CLIC6: variants seen among roughly 807,000 people sequenced by gnomAD.
The protein encoded by CLIC6 is CLIC family member 6.
CLIC6 carries 39 observed loss-of-function variants against 49.2 expected under a neutral mutation model. The ratio of observed to expected loss-of-function variants is 0.79; its 90% CI spans 0.61 to 1.04. The LOEUF (loss-of-function observed/expected upper bound fraction) is 1.04. Among genes scored for constraint, CLIC6 ranks in the 50% least tolerant of loss-of-function variants. The probability of loss-of-function intolerance (pLI) is 0.00; values close to 1 mark genes in which losing one functional copy is unlikely to be tolerated. For missense variants in CLIC6, 988 were observed against 993.1 expected, an observed-to-expected ratio of 0.99 and a Z score of 0.07; for synonymous variants, 446 against 433.4, an observed-to-expected ratio of 1.03 and a Z score of -0.36.
intron 1 of CLIC6, 85 bp from the exon 2 acceptor site, chr21:34,707,195 C>T: frequency 9.7e-7 from 1 of 1,026,130 alleles, no homozygotes; most frequent in South Asian, 1.3e-5. Flanking sequence ...TATCAACCTG[C>T]AATGATTTTG....
chr21:34,690,889 G>A (rs1297276592), intron 1 of CLIC6, among the ~76,000 whole-genome samples: 1 of 150,012 alleles, frequency 6.7e-6, no homozygotes, highest in African/African-American at 2.4e-5. Context: ...AAAGCATGTG[G>A]CACAGAAAAG....
chr21:34,694,718 C>T (rs1028247125), intron 1 of CLIC6, among the ~76,000 whole-genome samples: 46 of 152,090 alleles, frequency 3.0e-4, no homozygotes, highest in Admixed American at 2.3e-3. Flanking sequence ...TATAAATTAC[C>T]CCATCTCAGG....
intron 1 of CLIC6, among the ~76,000 whole-genome samples, chr21:34,698,598 G>A (rs2145811880): frequency 1.3e-5 from 2 of 152,308 alleles, no homozygotes; most frequent in South Asian, 4.1e-4. Context: ...CCTAAGTGTT[G>A]TGTCAGGCAT....
chr21:34,670,884 C>T, intron 1 of CLIC6, 122 bp downstream of exon 1: 2 of 1,131,508 alleles, frequency 1.8e-6, no homozygotes, highest in South Asian at 3.4e-5. Context: ...TCATCAGGCG[C>T]TTCCATGCGC....
intron 1 of CLIC6, among the ~76,000 whole-genome samples, chr21:34,692,766 A>T (rs1326668389): frequency 6.6e-6 from 1 of 152,198 alleles, no homozygotes; most frequent in East Asian, 1.9e-4. Context: ...AAAACATTAT[A>T]AGGAAAGAGG....
intron 5 of CLIC6, among the ~76,000 whole-genome samples, chr21:34,714,159 A>G (rs557018107): frequency 1.3e-5 from 2 of 152,356 alleles, no homozygotes; most frequent in African/African-American, 4.8e-5. Flanking sequence ...ATCCAGAAAC[A>G]GAGAAGGTGT....
chr21:34,714,483 T>A (rs1321641877), intron 5 of CLIC6, among the ~76,000 whole-genome samples: 1 of 151,542 alleles, frequency 6.6e-6, no homozygotes, highest in African/African-American at 2.4e-5. Context: ...AGGCCAGGAG[T>A]TCGAGATCAG....
intron 1 of CLIC6, among the ~76,000 whole-genome samples, chr21:34,690,825 C>T (rs567362339): frequency 1.4e-5 from 2 of 145,688 alleles, no homozygotes; most frequent in African/African-American, 2.5e-5. Context: ...TTTCTTTTCC[C>T]CAGGGTGAGG....
chr21:34,703,739 G>T (rs1395301521), intron 1 of CLIC6, among the ~76,000 whole-genome samples: 3 of 152,178 alleles, frequency 2.0e-5, no homozygotes, highest in Admixed American at 2.0e-4. Context: ...TTGGTGGGGA[G>T]CCCTGAGACA....
chr21:34,669,865 C>T lies in CLIC6; in HGVS notation c.477C>T (p.Ser159=), dbSNP rs1210243022. ...GCGCGTCCGGGGAGGCGGGGGACAG[C>T]GTAGACGCGGAGGGCCCGCTGGGGG... ...EGSASGEAGD[S]VDAEGPLGDN... is the part of the protein sequence containing the mutation. Residue 159 remains serine (S), a synonymous_variant, in exon 1 of 6, where the codon AGC becomes AGT. Transcript: ENST00000349499. 1 of 1,400,544 alleles carries T rather than the reference C, an allele frequency of 7.1e-7. No individual in the cohort carries two copies. The highest frequency in any genetic ancestry group is 9.2e-7 in the Non-Finnish European group (1 of 1,085,166). The allele number at this position is 1,400,544 out of a possible 1,614,324, so 86.8% of individuals were successfully genotyped here.
chr21:34,696,594 A>T (rs1990092995), intron 1 of CLIC6, among the ~76,000 whole-genome samples: 1 of 152,164 alleles, frequency 6.6e-6, no homozygotes, highest in East Asian at 1.9e-4. Context: ...TCTTAAATGG[A>T]GACAGTAGTA....
chr21:34,708,123 TAGTC>T (rs2056029678), intron 3 of CLIC6, 54 bp downstream of exon 3: 1 of 1,600,754 alleles, frequency 6.2e-7, no homozygotes, highest in African/African-American at 1.3e-5. Context: ...CCCCCACTAG[TAGTC>T]AGTTCTAAAG....
chr21:34,678,778 A>C (rs1989722342), intron 1 of CLIC6, among the ~76,000 whole-genome samples: 1 of 152,116 alleles, frequency 6.6e-6, no homozygotes, highest in Admixed American at 6.5e-5. Context: ...TTTACTTACC[A>C]TTTTTTTGGA....
At chr21:34,699,768 G>A (rs1254290039) in intron 1 of CLIC6, among the ~76,000 whole-genome samples, 1 of 152,094 alleles carries the variant, frequency 6.6e-6, no homozygotes, top group African/African-American at 2.4e-5. Context: ...TAAGAACGGA[G>A]GTTTAATAGG....
chr21:34,701,686 A>C (rs1392884638), intron 1 of CLIC6, among the ~76,000 whole-genome samples: 1 of 152,206 alleles, frequency 6.6e-6, no homozygotes, highest in Non-Finnish European at 1.5e-5. Flanking sequence ...GCCAGCACCC[A>C]TTCCCGTCCA....
chr21:34,680,401 G>A (rs958197265), intron 1 of CLIC6, among the ~76,000 whole-genome samples: 3 of 152,360 alleles, frequency 2.0e-5, no homozygotes, highest in African/African-American at 7.2e-5. Context: ...CCTGTGATGG[G>A]AGGGGTTGCC....
At position 34,674,909 on chromosome 21, in the gene CLIC6, G is replaced by T. The variant is rs150205791; in HGVS notation, c.1374+4147G>T. ...GTTCAGCGGTAGTGGAGATTTAGTC[G>T]CCAAGGAAGTCTTGCTTACGGCTTT... On this transcript the variant is annotated intron_variant, in intron 1 of 5. Transcript: ENST00000349499. 2.1e-4 allele frequency among the ~76,000 whole-genome samples: 32 copies of T among 152,212 alleles called. No individual in the cohort carries two copies. In the East Asian group the frequency reaches 4.1e-3, roughly 19 times the overall value.
intron 1 of CLIC6, among the ~76,000 whole-genome samples, chr21:34,687,217 A>G (rs946694757): frequency 2.6e-5 from 4 of 152,194 alleles, no homozygotes; most frequent in African/African-American, 9.7e-5. Context: ...AGGAGGCTCC[A>G]TGCAGCCAGT....
At chr21:34,708,828 G>A (rs1193714782) in intron 4 of CLIC6, 22 bp downstream of exon 4, 8 of 1,551,882 alleles carry the variant, frequency 5.2e-6, no homozygotes, top group Non-Finnish European at 7.1e-6. Context: ...CCATCCTCCT[G>A]TTTTGTTTCA....
Sources: allele counts gnomAD v4.1 joint callset (sites outside exome capture counted in the v4.1 genomes callset), GRCh38; gene constraint gnomAD v4.1.1; transcripts MANE v1.5; gene names NCBI Gene and HGNC (gene_info 2026-07-23, HGNC 2026-07-21).